CFAP299: variants seen among roughly 807,000 people sequenced by gnomAD.
CFAP299 encodes cilia and flagella associated protein 299.
A neutral mutation model predicts 27.0 loss-of-function variants in CFAP299; 21 were observed. The observed-to-expected ratio is 0.78, with a 90% CI of 0.55 to 1.12. The LOEUF is 1.12. Ranked by LOEUF, CFAP299 falls within the 50% of genes most tolerant of loss-of-function variation. CFAP299 has a pLI of 0.00. For missense variants in CFAP299, 310 were observed against 276.6 expected, an observed-to-expected ratio of 1.12 and a Z score of -0.86; for synonymous variants, 104 against 98.1, an observed-to-expected ratio of 1.06 and a Z score of -0.36.
intron 3 of CFAP299, among the ~76,000 whole-genome samples, chr4:80,716,185 T>A (rs533979044): frequency 6.6e-6 from 1 of 152,060 alleles, no homozygotes; most frequent in South Asian, 2.1e-4. Context: ...TAACAATCTT[T>A]TTAAAATTTT....
intron 3 of CFAP299, among the ~76,000 whole-genome samples, chr4:80,734,265 C>G (rs1289821025): frequency 6.6e-6 from 1 of 152,080 alleles, no homozygotes; most frequent in African/African-American, 2.4e-5. Context: ...TGTATGACTT[C>G]TTTTGAGAAA....
intron 2 of CFAP299, among the ~76,000 whole-genome samples, chr4:80,428,704 TTTTG>T (rs1185344628): frequency 5.7e-4 from 12 of 20,906 alleles, no homozygotes; most frequent in Non-Finnish European, 2.0e-3. Flanking sequence ...TTTTTTTTTT[TTTTG>T]TTTGTATTTT....
At chr4:80,323,501 T>G in the CFAP299 span, among the ~76,000 whole-genome samples, 1 of 152,216 alleles carries the variant, frequency 6.6e-6, no homozygotes, top group African/African-American at 2.4e-5. Context: ...AAAGATTGTC[T>G]TACTTTTTTC....
intron 1 of CFAP299, among the ~76,000 whole-genome samples, chr4:80,353,546 G>A (rs527881205): frequency 6.6e-6 from 1 of 152,324 alleles, no homozygotes; most frequent in South Asian, 2.1e-4. Context: ...GTAGAAGATG[G>A]CATTTGAGTA....
intron 3 of CFAP299, among the ~76,000 whole-genome samples, chr4:80,670,388 T>C (rs1162982091): frequency 1.3e-5 from 2 of 152,236 alleles, no homozygotes; most frequent in African/African-American, 2.4e-5. Flanking sequence ...TAGCCTATCA[T>C]TGATGGACAT....
chr4:80,858,768 G>T (rs546546620), intron 3 of CFAP299, among the ~76,000 whole-genome samples: 1 of 152,194 alleles, frequency 6.6e-6, no homozygotes, highest in African/African-American at 2.4e-5. Flanking sequence ...ACTCTGGTCT[G>T]AGAGATAGTT....
At chr4:80,628,883 A>T (rs1195999172) in intron 3 of CFAP299, among the ~76,000 whole-genome samples, 2 of 152,200 alleles carry the variant, frequency 1.3e-5, no homozygotes, top group Admixed American at 1.3e-4. Flanking sequence ...ATGTAAATTG[A>T]TGCAGCCATT....
chr4:80,398,382 C>G (rs2110045832), intron 2 of CFAP299, among the ~76,000 whole-genome samples: 1 of 152,260 alleles, frequency 6.6e-6, no homozygotes, highest in African/African-American at 2.4e-5. Context: ...ATTGCCAATT[C>G]AATCCTAAGC....
At chr4:80,507,931 A>G (rs1254800852) in intron 2 of CFAP299, among the ~76,000 whole-genome samples, 2 of 152,196 alleles carry the variant, frequency 1.3e-5, no homozygotes, top group Non-Finnish European at 2.9e-5. Flanking sequence ...TATACACTGT[A>G]ATTAGTCAGA....
At chr4:80,888,804 C>T (rs1578214300) in intron 4 of CFAP299, among the ~76,000 whole-genome samples, 1 of 151,684 alleles carries the variant, frequency 6.6e-6, no homozygotes, top group East Asian at 1.9e-4. Context: ...AACTAGAAAT[C>T]AATAACAAGA....
intron 3 of CFAP299, among the ~76,000 whole-genome samples, chr4:80,782,463 A>G (rs966193062): frequency 3.4e-5 from 5 of 148,774 alleles, no homozygotes; most frequent in Non-Finnish European, 7.4e-5. Context: ...AGTGCTGACT[A>G]TATGGACTTT....
rs541450640 is a variant in CFAP299, at chr4:80,767,093, T to C, written c.334-102900T>C. 1.1e-4 allele frequency among the ~76,000 whole-genome samples: 16 copies of C among 152,222 alleles called. No homozygotes were observed. In the South Asian group the frequency reaches 3.3e-3, roughly 32 times the overall value. On this transcript the variant is annotated intron_variant, in intron 3 of 5. Transcript: ENST00000358105. Reference sequence around the variant, plus strand: ...CTGAACCCTATATGTACTATGTTTTTCCTATACGTACATATACAAATACAT... The same window carrying C: ...CTGAACCCTATATGTACTATGTTTTCCCTATACGTACATATACAAATACAT...
chr4:80,915,612 C>A (rs1384518501), intron 4 of CFAP299, among the ~76,000 whole-genome samples: 1 of 151,932 alleles, frequency 6.6e-6, no homozygotes, highest in Non-Finnish European at 1.5e-5. Flanking sequence ...CTCTCTACCA[C>A]TCTCCCAGAT....
At chr4:80,700,001 G>A (rs896873536) in intron 3 of CFAP299, among the ~76,000 whole-genome samples, 1 of 152,074 alleles carries the variant, frequency 6.6e-6, no homozygotes, top group Non-Finnish European at 1.5e-5. Context: ...TCATATAAGT[G>A]AGAAAAATTA....
At chr4:80,486,607 C>T (rs1372306051) in intron 2 of CFAP299, among the ~76,000 whole-genome samples, 1 of 152,236 alleles carries the variant, frequency 6.6e-6, no homozygotes, top group Non-Finnish European at 1.5e-5. Flanking sequence ...AATGTGCCTT[C>T]TCTCACCCCG....
intron 3 of CFAP299, among the ~76,000 whole-genome samples, chr4:80,845,617 C>A (rs1731141949): frequency 6.6e-6 from 1 of 152,074 alleles, no homozygotes; most frequent in Non-Finnish European, 1.5e-5. Flanking sequence ...CACATCTTCC[C>A]CTGGATTTTT....
chr4:80,599,884 G>C (rs1486375868), intron 3 of CFAP299, among the ~76,000 whole-genome samples: 2 of 152,050 alleles, frequency 1.3e-5, no homozygotes, highest in Non-Finnish European at 2.9e-5. Flanking sequence ...ATGCAAAGAA[G>C]GTTGTTGATT....
At chr4:80,925,625 G>C (rs1303523634) in intron 4 of CFAP299, among the ~76,000 whole-genome samples, 1 of 151,934 alleles carries the variant, frequency 6.6e-6, no homozygotes, top group South Asian at 2.1e-4. Flanking sequence ...AGATTATTTG[G>C]TACAAGTGTA....
chr4:80,615,430 G>A (rs1738222078), intron 3 of CFAP299, among the ~76,000 whole-genome samples: 1 of 152,132 alleles, frequency 6.6e-6, no homozygotes, highest in Admixed American at 6.5e-5. Flanking sequence ...TATTTACAAA[G>A]TAAAGCTTTA....
Sources: allele counts gnomAD v4.1 joint callset (sites outside exome capture counted in the v4.1 genomes callset), GRCh38; gene constraint gnomAD v4.1.1; transcripts MANE v1.5; gene names NCBI Gene and HGNC (gene_info 2026-07-23, HGNC 2026-07-21).